Variants in PDXDC1 observed in about 807,000 individuals in gnomAD.
PDXDC1 encodes the protein pyridoxal-dependent decarboxylase domain-containing protein 1.
Under a neutral mutation model 100.1 loss-of-function variants are expected in PDXDC1, and 42 were observed. The ratio of observed to expected loss-of-function variants is 0.42; its 90% CI spans 0.33 to 0.54. The LOEUF is 0.54. Ranked by LOEUF, PDXDC1 falls within the 20% of genes least tolerant of loss-of-function variation. The probability of loss-of-function intolerance (pLI) is 0.10; values close to 1 mark genes in which losing one functional copy is unlikely to be tolerated. For missense variants in PDXDC1, 636 were observed against 979.2 expected (o/e 0.65, Z 4.68); for synonymous variants, 260 against 371.7 (o/e 0.70, Z 3.46).
At chr16:14,987,298 TTTAC>T (rs1160840281) in intron 1 of PDXDC1, among the ~76,000 whole-genome samples, 1 of 152,304 alleles carries the variant, frequency 6.6e-6, no homozygotes, top group African/African-American at 2.4e-5. Flanking sequence ...AGTTGCTTCA[TTTAC>T]TTACTTGATA....
intron 17 of PDXDC1, 74 bp downstream of exon 17, chr16:15,031,980 C>G: frequency 7.9e-7 from 1 of 1,267,884 alleles, no homozygotes; most frequent in Non-Finnish European, 1.1e-6. Context: ...TTTTCTGAAC[C>G]ACCTTAGAAA....
intron 16 of PDXDC1, among the ~76,000 whole-genome samples, chr16:15,053,893 C>T (rs1478234229): frequency 6.6e-6 from 1 of 152,180 alleles, no homozygotes; most frequent in Non-Finnish European, 1.5e-5. Flanking sequence ...GCCTGGGCCA[C>T]AGAACAAAAC....
At chr16:15,085,516 C>T in intron 16 of PDXDC1, 2 of 1,340,600 alleles carry the variant, frequency 1.5e-6, no homozygotes, top group Non-Finnish European at 2.1e-6. Flanking sequence ...CAAGGTCTCA[C>T]TATGTTGCCC....
At chr16:15,032,802 G>A (rs1038332752) in intron 17 of PDXDC1, 59 bp from the exon 18 acceptor site, 37 of 968,926 alleles carry the variant, frequency 3.8e-5, no homozygotes, top group Middle Eastern at 2.1e-4. Flanking sequence ...TTCTAATCCT[G>A]TATCAGAAGA....
chr16:15,069,820 T>C (rs2045145392), intron 16 of PDXDC1, among the ~76,000 whole-genome samples: 1 of 152,178 alleles, frequency 6.6e-6, no homozygotes, highest in African/African-American at 2.4e-5. Context: ...ATTTCAAACT[T>C]TCAAAGGCAG....
At chr16:15,110,541 C>A in intron 16 of PDXDC1, 1 of 1,587,388 alleles carries the variant, frequency 6.3e-7, no homozygotes, top group Non-Finnish European at 8.5e-7. Flanking sequence ...AAGATGTCTT[C>A]CAGGACAATT....
rs1223581371 is a variant in PDXDC1, at chr16:15,010,677, CAGATT to C, written c.727+922_727+926del. On this transcript the variant is annotated intron_variant, in intron 8 of 22. Coordinates refer to ENST00000396410, the MANE Select transcript of PDXDC1 (RefSeq NM_015027.4). ...GCAATAAGGCAAAAAAAATAACTGA[CAGATT>C]AGAAAGGAAGAAATAAAACTTTGTT... Among the ~76,000 whole-genome samples, 10 of 152,378 alleles carry C rather than the reference CAGATT, an allele frequency of 6.6e-5. No homozygotes were observed. In the South Asian group the frequency reaches 1.7e-3, roughly 25 times the overall value.
chr16:15,020,419 A>G (rs979274885), intron 12 of PDXDC1, among the ~76,000 whole-genome samples: 3 of 152,218 alleles, frequency 2.0e-5, no homozygotes, highest in African/African-American at 7.2e-5. Context: ...GGCCGGGTGC[A>G]GTGGCTCACG....
chr16:15,061,679 G>A, intron 16 of PDXDC1: 2 of 1,496,950 alleles, frequency 1.3e-6, no homozygotes, highest in Non-Finnish European at 1.8e-6. Context: ...CACAAGCTGG[G>A]TGCTGAGGGC....
chr16:15,033,106 T>C (rs1456555901), intron 18 of PDXDC1, 127 bp downstream of exon 18: 19 of 960,138 alleles, frequency 2.0e-5, no homozygotes, highest in Non-Finnish European at 2.6e-5. Context: ...AAGATGCGGT[T>C]CTGAGACCTC....
intron 16 of PDXDC1, chr16:15,083,492 C>A: frequency 6.2e-7 from 1 of 1,608,070 alleles, no homozygotes; most frequent in Non-Finnish European, 8.5e-7. Context: ...CCATGATGTT[C>A]TCAATGAAAA....
the PDXDC1 span, among the ~76,000 whole-genome samples, chr16:15,149,881 G>A: frequency 2.6e-5 from 4 of 152,190 alleles, no homozygotes; most frequent in Admixed American, 6.5e-5. Flanking sequence ...ATGGGATGTC[G>A]GCTCCAACGA....
At position 15,038,268 on chromosome 16, in the gene PDXDC1, T is replaced by C. The variant is rs1467301285; in HGVS notation, c.*1993T>C. ...CCAACCTTACTGTCCCCTGCTGTGA[T>C]AAAGATGTCAAAGTATCTTTGTTCT... On this transcript the variant is annotated 3_prime_UTR_variant, in exon 23 of 23. Transcript: ENST00000396410. 2.5e-6 allele frequency: 3 copies of C among 1,206,470 alleles called. No homozygotes were observed. Among genetic ancestry groups the C allele is most frequent in the Non-Finnish European group, 3.6e-6 (3 of 838,570 alleles). 74.7% of individuals were successfully genotyped at this position (1,206,470 alleles called of 1,614,324 possible). A position where few individuals can be genotyped will look rare whatever the true frequency, so the allele number is the denominator to read the frequency against.
chr16:15,132,607 G>A (rs984212868), intron 16 of PDXDC1: 3 of 785,992 alleles, frequency 3.8e-6, no homozygotes, highest in Admixed American at 4.1e-5. Context: ...ATGGCATGAA[G>A]GAGCCCAGGC....
At chr16:15,017,034 C>G (rs1030785936) in intron 9 of PDXDC1, 86 bp from the exon 10 acceptor site, 5 of 1,400,670 alleles carry the variant, frequency 3.6e-6, no homozygotes, top group Admixed American at 1.7e-5. Flanking sequence ...TGTCAACTTG[C>G]AACAGCACAG....
intron 12 of PDXDC1, among the ~76,000 whole-genome samples, chr16:15,022,196 C>T (rs552890885): frequency 6.6e-5 from 10 of 152,402 alleles, no homozygotes; most frequent in Admixed American, 1.3e-4. Context: ...TCATTTAATC[C>T]TCACAGCAAT....
At chr16:15,047,268 TTCAC>T in intron 16 of PDXDC1, 1 of 603,968 alleles carries the variant, frequency 1.7e-6, no homozygotes. Flanking sequence ...CACCCACTCA[TTCAC>T]TCAACCACTG....
chr16:15,046,712 A>C (rs890191330), intron 16 of PDXDC1, among the ~76,000 whole-genome samples: 1 of 150,742 alleles, frequency 6.6e-6, no homozygotes, highest in East Asian at 1.9e-4. Context: ...AAAAAAAAAA[A>C]AAAAAAAAAA....
intron 16 of PDXDC1, chr16:15,131,161 C>T (rs750744919): frequency 2.5e-6 from 4 of 1,589,576 alleles, no homozygotes; most frequent in Non-Finnish European, 2.6e-6. Context: ...GACCACAGCA[C>T]CGACGGAGGC....
Sources: gnomAD v4.1 joint callset for allele counts (sites outside exome capture counted in the v4.1 genomes callset) on GRCh38, gnomAD v4.1.1 for gene constraint, MANE v1.5 for transcripts, NCBI Gene and HGNC (gene_info 2026-07-23, HGNC 2026-07-21) for gene names.